The following DDI2 variants were observed in gnomAD, a reference collection of about 807,000 sequenced individuals.
DDI2 encodes the protein DDI proteasomal shuttling factor 2.
In DDI2, 5 loss-of-function variants were observed where a neutral mutation model predicts 48.1. That is an observed-to-expected ratio of 0.10 (90% confidence interval 0.05 to 0.22). DDI2 has a LOEUF of 0.22. DDI2 is among the 10% of genes least tolerant of loss of function. The pLI is 1.00. For synonymous variants in DDI2, 205 were observed against 183.6 expected (o/e 1.12, Z -0.94); for missense variants, 285 against 506.2 (o/e 0.56, Z 4.19).
intron 5 of DDI2, among the ~76,000 whole-genome samples, chr1:15,640,351 G>A (rs972847235): frequency 2.6e-5 from 4 of 152,120 alleles, no homozygotes; most frequent in Admixed American, 2.6e-4. Context: ...TTATCCATAA[G>A]AAAACTTAGA....
At chr1:15,636,166 C>T (rs545605974) in intron 4 of DDI2, among the ~76,000 whole-genome samples, 2 of 152,238 alleles carry the variant, frequency 1.3e-5, no homozygotes, top group African/African-American at 4.8e-5. Flanking sequence ...GACAGGGCCT[C>T]CGACGTTTAG....
At chr1:15,629,596 CAAAA>C (rs553217782) in intron 2 of DDI2, among the ~76,000 whole-genome samples, 3 of 114,842 alleles carry the variant, frequency 2.6e-5, no homozygotes. Context: ...GACTCCGTGT[CAAAA>C]AAAAAAAAAA....
rs548666944 is a variant in DDI2, at chr1:15,639,660, C to T, written c.760+1226C>T. Among the ~76,000 whole-genome samples, 224 of 152,200 alleles carry T rather than the reference C, an allele frequency of 1.5e-3. 3 individuals carry two copies. Among genetic ancestry groups the T allele is most frequent in the Non-Finnish European group, 1.2e-4 (8 of 68,008 alleles). On this transcript the variant is annotated intron_variant, in intron 5 of 9. Transcript: ENST00000480945. ...TTAACTTTTTGTAGAGACAGGGTTC[C>T]CCTGTATTGTGTAGGCTGATTGGGA... is the stretch of plus-strand genomic sequence containing the variant.
Position 15,626,794 on chromosome 1 carries a change from C to A in DDI2, c.264C>A (p.Phe88Leu). The change falls in exon 2 of 10, where the codon TTC becomes TTA. Residue 88 changes from phenylalanine (F) to leucine (L), a missense_variant. Phe to Leu is a conservative substitution (Grantham distance 22). Coordinates refer to ENST00000480945, the MANE Select transcript of DDI2 (RefSeq NM_032341.5). ...ENADPRPPVQFPNLPRIDFSS... is the reference protein window; with the variant it reads ...ENADPRPPVQLPNLPRIDFSS... The stretch of plus-strand genomic sequence containing the variant: ...CAGACCCTCGACCTCCAGTGCAGTT[C>A]CCAAGTAAGACATCTGGTGGTTGAG... 1 of 1,614,036 alleles carries A rather than the reference C, an allele frequency of 6.2e-7. No individual in the cohort carries two copies.
intron 6 of DDI2, among the ~76,000 whole-genome samples, chr1:15,644,336 A>G (rs1640052653): frequency 6.6e-6 from 1 of 152,096 alleles, no homozygotes; most frequent in South Asian, 2.1e-4. Context: ...TCTGCCCCTC[A>G]GTTTATTGGA....
chr1:15,647,975 T>G (rs780083118), intron 6 of DDI2, among the ~76,000 whole-genome samples: 2 of 152,160 alleles, frequency 1.3e-5, no homozygotes, highest in Non-Finnish European at 2.9e-5. Flanking sequence ...AAAAAAAATT[T>G]TTTTTTACAA....
chr1:15,617,948 G>A, intron 1 of DDI2, 140 bp downstream of exon 1: 2 of 1,293,870 alleles, frequency 1.5e-6, no homozygotes, highest in Non-Finnish European at 2.0e-6. Context: ...CCCCGCATCC[G>A]GAAAGGAGCT....
At chr1:15,625,913 G>A (rs1247269362) in intron 1 of DDI2, among the ~76,000 whole-genome samples, 1 of 152,190 alleles carries the variant, frequency 6.6e-6, no homozygotes, top group African/African-American at 2.4e-5. Context: ...CAGCGTGCCC[G>A]GCCCAGAGTG....
chr1:15,618,437 C>T (rs77808099), intron 1 of DDI2, among the ~76,000 whole-genome samples: 4,453 of 152,176 alleles, frequency 0.029, 108 homozygotes, highest in Non-Finnish European at 0.044. Flanking sequence ...AAAAACAGTA[C>T]CTATTGGTTC....
chr1:15,618,438 C>G (rs188589039), intron 1 of DDI2, among the ~76,000 whole-genome samples: 1 of 152,224 alleles, frequency 6.6e-6, no homozygotes, highest in Non-Finnish European at 1.5e-5. Context: ...AAAACAGTAC[C>G]TATTGGTTCA....
In DDI2 at chr1:15,661,056, T is replaced by C. The variant is rs1392019540; in HGVS notation, c.*1266T>C. 1 of 1,614,182 alleles carries C rather than the reference T, an allele frequency of 6.2e-7. No individual in the cohort carries two copies. The highest frequency in any genetic ancestry group is 1.7e-5 in the Admixed American group (1 of 60,020). On this transcript the variant is annotated 3_prime_UTR_variant, in exon 10 of 10. Transcript: ENST00000480945. ...GCCAAACCAGTATTAAAGACCTTTC[T>C]GAAAGATGGACCCAAAATGAGCATC...
At chr1:15,643,307 C>T (rs538859063) in intron 5 of DDI2, among the ~76,000 whole-genome samples, 16 of 152,304 alleles carry the variant, frequency 1.1e-4, no homozygotes, top group African/African-American at 3.6e-4. Flanking sequence ...ATATTCTTCC[C>T]TCAATGTCAA....
rs1443239292 is a variant in DDI2 at position 15,661,638 on chromosome 1, T to C, written c.*1848T>C. ...GTGCTGGCTTTACTTTGCAGGAAGC[T>C]CTTGGAGCTTTGCATCGAGTTGGTG... On this transcript the variant is annotated 3_prime_UTR_variant, in exon 10 of 10. Coordinates refer to ENST00000480945, the MANE Select transcript of DDI2 (RefSeq NM_032341.5). The C allele has an allele frequency of 6.2e-7, 1 of 1,614,130 alleles. No individual in the cohort carries two copies.
Position 15,662,824 on chromosome 1 carries a change from T to G in DDI2, c.*3034T>G, listed in dbSNP as rs1640402608. The G allele has an allele frequency of 1.3e-5, 2 of 152,224 alleles. No homozygotes were observed. The highest frequency in any genetic ancestry group is 2.9e-5 in the Non-Finnish European group (2 of 68,030). The allele number at this position is 152,224 out of a possible 1,614,324, so 9.4% of individuals were successfully genotyped here. On this transcript the variant is annotated 3_prime_UTR_variant, in exon 10 of 10. Transcript: ENST00000480945. ...CCTTTGTGGCAGTGGAAATAGTAAT[T>G]ACAGTTTCTGACTTAAGTGGCCTTG...
chr1:15,663,093 G>A lies in DDI2; in HGVS notation c.*3303G>A, dbSNP rs1640405535. Reference sequence around the variant, plus strand: ...AACTGCTCTTTTGGGTACCTAGCAGGAATCTGAAGTCTTGGTTTTATTGAA... The same window carrying A: ...AACTGCTCTTTTGGGTACCTAGCAGAAATCTGAAGTCTTGGTTTTATTGAA... On this transcript the variant is annotated 3_prime_UTR_variant, in exon 10 of 10. Coordinates refer to ENST00000480945, the MANE Select transcript of DDI2 (RefSeq NM_032341.5). The A allele has an allele frequency of 6.6e-6, 1 of 152,136 alleles. No homozygotes were observed. Among genetic ancestry groups the A allele is most frequent in the Non-Finnish European group, 1.5e-5 (1 of 68,032 alleles). The allele number at this position is 152,136 out of a possible 1,614,324, so 9.4% of individuals were successfully genotyped here.
rs1412891484 is a variant in DDI2 at position 15,660,115 on chromosome 1, TCAG to T, written c.*329_*331del. The T allele has an allele frequency of 6.2e-7, 1 of 1,614,218 alleles. No individual in the cohort carries two copies. The highest frequency in any genetic ancestry group is 1.1e-5 in the South Asian group (1 of 91,086). ...ACAAGATCTTTCTGATCATGCTTCC[TCAG>T]CAGACCATGCTCCAACAGACCAGAG... On this transcript the variant is annotated 3_prime_UTR_variant, in exon 10 of 10. Coordinates refer to ENST00000480945, the MANE Select transcript of DDI2 (RefSeq NM_032341.5).
chr1:15,668,112 A>G lies in DDI2; in HGVS notation c.*8322A>G, dbSNP rs1421257059. 1 of 151,822 alleles carries G rather than the reference A, an allele frequency of 6.6e-6. No homozygotes were observed. Among genetic ancestry groups the G allele is most frequent in the Non-Finnish European group, 1.5e-5 (1 of 67,936 alleles). 9.4% of individuals were successfully genotyped at this position (151,822 alleles called of 1,614,324 possible). A position where few individuals can be genotyped will look rare whatever the true frequency, so the allele number is the denominator to read the frequency against. Reference sequence around the variant, plus strand: ...TTTGGGGAGGGGGGCATGCTGCAGTATTTTTTTTCCTGGGAACATGCATTT... The same window carrying G: ...TTTGGGGAGGGGGGCATGCTGCAGTGTTTTTTTTCCTGGGAACATGCATTT... On this transcript the variant is annotated 3_prime_UTR_variant, in exon 10 of 10. Transcript: ENST00000480945.
intron 3 of DDI2, 120 bp from the exon 4 acceptor site, chr1:15,633,318 CT>C (rs1219095950): frequency 8.8e-7 from 1 of 1,140,646 alleles, no homozygotes; most frequent in African/African-American, 1.6e-5. Flanking sequence ...TTTAAATAAG[CT>C]TTAGGCATCC....
intron 5 of DDI2, among the ~76,000 whole-genome samples, chr1:15,639,483 T>G (rs1639974706): frequency 6.6e-6 from 1 of 152,196 alleles, no homozygotes; most frequent in Non-Finnish European, 1.5e-5. Flanking sequence ...CTCTCTCATT[T>G]TTTAAAGAGA....
Sources: allele counts gnomAD v4.1 joint callset (sites outside exome capture counted in the v4.1 genomes callset), GRCh38; gene constraint gnomAD v4.1.1; transcripts MANE v1.5; gene names NCBI Gene and HGNC (gene_info 2026-07-23, HGNC 2026-07-21).